Variants in ZDHHC14 observed in about 807,000 individuals in gnomAD.
ZDHHC14 encodes the protein zDHHC palmitoyltransferase 14.
In ZDHHC14, 16 loss-of-function variants were observed where a neutral mutation model predicts 47.7. The observed-to-expected ratio is 0.34, with a 90% CI of 0.23 to 0.51. The LOEUF (loss-of-function observed/expected upper bound fraction) is 0.51. Among genes scored for constraint, ZDHHC14 ranks in the 20% least tolerant of loss-of-function variants. The probability of loss-of-function intolerance (pLI) is 0.97; values close to 1 mark genes in which losing one functional copy is unlikely to be tolerated. For synonymous variants in ZDHHC14, 293 were observed against 278.9 expected, an observed-to-expected ratio of 1.05 and a Z score of -0.50; for missense variants, 515 against 662.5, an observed-to-expected ratio of 0.78 and a Z score of 2.44.
chr6:157,588,732 G>A (rs1783789379), intron 2 of ZDHHC14, among the ~76,000 whole-genome samples: 1 of 152,294 alleles, frequency 6.6e-6, no homozygotes, highest in Middle Eastern at 3.4e-3. Flanking sequence ...ATACAAGTGA[G>A]TGTATTTGAG....
rs538477424 is a variant in ZDHHC14, at chr6:157,397,189, G to C, written c.245+14923G>C. Among the ~76,000 whole-genome samples, 11 of 152,340 alleles carry C rather than the reference G, an allele frequency of 7.2e-5. No individual in the cohort carries two copies. The East Asian group carries it at 1.7e-3, about 24-fold the overall frequency. ...GGAGCCCCAGTCAAGCGTAAAGGGGGAGACTTAAGTATGGAAATAAATGGA... is the reference window on the plus strand; with the variant it reads ...GGAGCCCCAGTCAAGCGTAAAGGGGCAGACTTAAGTATGGAAATAAATGGA... On this transcript the variant is annotated intron_variant, in intron 1 of 8. Transcript: ENST00000359775.
At chr6:157,620,483 CAAT>C (rs1785144633) in intron 3 of ZDHHC14, among the ~76,000 whole-genome samples, 1 of 152,228 alleles carries the variant, frequency 6.6e-6, no homozygotes, top group African/African-American at 2.4e-5. Flanking sequence ...ACAATCGGAA[CAAT>C]AATGTTTGCC....
At chr6:157,472,784 G>A (rs557823010) in intron 1 of ZDHHC14, among the ~76,000 whole-genome samples, 26 of 152,286 alleles carry the variant, frequency 1.7e-4, no homozygotes, top group Non-Finnish European at 3.2e-4. Context: ...GATACAAAGG[G>A]CAGCTTTGCT....
intron 1 of ZDHHC14, among the ~76,000 whole-genome samples, chr6:157,429,699 G>T (rs186953780): frequency 6.6e-6 from 1 of 152,102 alleles, no homozygotes; most frequent in Admixed American, 6.5e-5. Flanking sequence ...GACTTGAAGG[G>T]CTGGATAAAG....
intron 2 of ZDHHC14, among the ~76,000 whole-genome samples, chr6:157,579,199 T>TG (rs1783423865): frequency 8.7e-6 from 1 of 114,592 alleles, no homozygotes; most frequent in South Asian, 2.8e-4. Flanking sequence ...TGTTTTTTTT[T>TG]TTTTTTTTTT....
chr6:157,654,118 A>G (rs1777973730), intron 8 of ZDHHC14, among the ~76,000 whole-genome samples: 1 of 152,192 alleles, frequency 6.6e-6, no homozygotes, highest in Non-Finnish European at 1.5e-5. Context: ...TGATCAGACC[A>G]GGTGTACGTT....
intron 1 of ZDHHC14, among the ~76,000 whole-genome samples, chr6:157,422,178 G>A (rs905884067): frequency 1.1e-4 from 16 of 152,200 alleles, no homozygotes; most frequent in Non-Finnish European, 2.1e-4. Flanking sequence ...TCTCTGGATA[G>A]TCTTAGGTTA....
intron 2 of ZDHHC14, among the ~76,000 whole-genome samples, chr6:157,563,314 G>A (rs17543809): frequency 0.54 from 82,417 of 152,166 alleles, 23,041 homozygotes; most frequent in African/African-American, 0.7. Context: ...GGCGTTAAGC[G>A]TGCCTCTTCC....
At chr6:157,538,304 C>T (rs1343800691) in intron 1 of ZDHHC14, among the ~76,000 whole-genome samples, 4 of 152,218 alleles carry the variant, frequency 2.6e-5, no homozygotes, top group Admixed American at 6.5e-5. Context: ...GAGGAATATC[C>T]TGTCCTCTCA....
At chr6:157,482,002 A>G (rs1348261376) in intron 1 of ZDHHC14, among the ~76,000 whole-genome samples, 1 of 152,168 alleles carries the variant, frequency 6.6e-6, no homozygotes, top group African/African-American at 2.4e-5. Context: ...GTACATCGCA[A>G]TTGTTGATTA....
rs369188494 is a variant in ZDHHC14 at position 157,539,393 on chromosome 6, G to A, written c.246-3192G>A. Among the ~76,000 whole-genome samples, 39 of 152,112 alleles carry A rather than the reference G, an allele frequency of 2.6e-4. 1 individual carries two copies. The East Asian group carries it at 3.9e-3, about 15-fold the overall frequency. On this transcript the variant is annotated intron_variant, in intron 1 of 8. Transcript: ENST00000359775. ...CACTCCAGCCTGGGCAGCAGAGTGA[G>A]GCCCTGTCTCCAGAAAGATAATAAA...
intron 1 of ZDHHC14, among the ~76,000 whole-genome samples, chr6:157,447,541 A>G (rs1778706187): frequency 6.6e-6 from 1 of 152,196 alleles, no homozygotes; most frequent in Non-Finnish European, 1.5e-5. Context: ...GTGCTTGGAC[A>G]GGCAGGCTGG....
chr6:157,553,015 G>A (rs1782304994), intron 2 of ZDHHC14, among the ~76,000 whole-genome samples: 1 of 152,194 alleles, frequency 6.6e-6, no homozygotes, highest in Non-Finnish European at 1.5e-5. Context: ...AGTGCAGTGG[G>A]GTTTGCAGTA....
chr6:157,491,320 G>T (rs1391893063), intron 1 of ZDHHC14, among the ~76,000 whole-genome samples: 2 of 152,172 alleles, frequency 1.3e-5, no homozygotes, highest in Non-Finnish European at 2.9e-5. Flanking sequence ...GCTGAGGATG[G>T]ATGAGGCCAC....
intron 1 of ZDHHC14, among the ~76,000 whole-genome samples, chr6:157,512,122 G>A (rs1214863666): frequency 1.3e-5 from 2 of 152,194 alleles, no homozygotes; most frequent in African/African-American, 2.4e-5. Flanking sequence ...TCCCTCCTGC[G>A]GTAGGTCCAA....
chr6:157,666,943 T>TA (rs1255931253), intron 8 of ZDHHC14, among the ~76,000 whole-genome samples: 4 of 152,220 alleles, frequency 2.6e-5, no homozygotes, highest in Non-Finnish European at 5.9e-5. Context: ...CACAGTGACT[T>TA]ACTGCAATGA....
At chr6:157,529,685 T>C (rs1737753502) in intron 1 of ZDHHC14, among the ~76,000 whole-genome samples, 1 of 152,228 alleles carries the variant, frequency 6.6e-6, no homozygotes, top group South Asian at 2.1e-4. Context: ...ACTGTGTTCT[T>C]AATTACATTT....
intron 1 of ZDHHC14, among the ~76,000 whole-genome samples, chr6:157,525,497 C>T (rs1224783335): frequency 6.6e-6 from 1 of 152,046 alleles, no homozygotes; most frequent in African/African-American, 2.4e-5. Context: ...TGGCAGCTGG[C>T]TTCCCTCCGA....
chr6:157,615,728 A>T (rs1784939643), intron 3 of ZDHHC14, among the ~76,000 whole-genome samples: 1 of 152,104 alleles, frequency 6.6e-6, no homozygotes, highest in Non-Finnish European at 1.5e-5. Context: ...TAGGAACTTC[A>T]CTCAGAGCTG....
Sources: gnomAD v4.1 joint callset for allele counts (sites outside exome capture counted in the v4.1 genomes callset) on GRCh38, gnomAD v4.1.1 for gene constraint, MANE v1.5 for transcripts, NCBI Gene and HGNC (gene_info 2026-07-23, HGNC 2026-07-21) for gene names.